Variants in OC90 observed in about 807,000 individuals in gnomAD.
The protein encoded by OC90 is otoconin-90.
Under a neutral mutation model 47.3 loss-of-function variants are expected in OC90, and 46 were observed. That is an observed-to-expected ratio of 0.97 (90% confidence interval 0.77 to 1.24). OC90 has a LOEUF of 1.24. Ranked by LOEUF, OC90 falls within the 50% of genes most tolerant of loss-of-function variation. OC90 has a pLI of 0.00. For synonymous variants in OC90, 271 were observed against 219.5 expected, an observed-to-expected ratio of 1.23 and a Z score of -2.07; for missense variants, 688 against 583.9, an observed-to-expected ratio of 1.18 and a Z score of -1.84.
intron 2 of OC90, among the ~76,000 whole-genome samples, chr8:132,053,245 C>A (rs939188053): frequency 8.5e-5 from 13 of 152,172 alleles, no homozygotes; most frequent in Admixed American, 2.0e-4. Context: ...GCACCTGTCA[C>A]CCCATGTTGC....
chr8:132,050,163 G>C (rs1823192829), intron 2 of OC90, among the ~76,000 whole-genome samples: 1 of 138,798 alleles, frequency 7.2e-6, no homozygotes, highest in Non-Finnish European at 1.6e-5. Context: ...CTAGGTAAAG[G>C]GGTCAACAGG....
intron 1 of OC90, among the ~76,000 whole-genome samples, chr8:132,056,771 C>T (rs1321360068): frequency 1.3e-5 from 2 of 152,054 alleles, no homozygotes. Flanking sequence ...TCAGAGGAGC[C>T]CAGAGACCTC....
rs780332464 is a variant in OC90, at chr8:132,031,866, G to A, written c.1031+15C>T. 9 of 1,610,880 alleles carry A rather than the reference G, an allele frequency of 5.6e-6. No individual in the cohort carries two copies. The highest frequency in any genetic ancestry group is 2.2e-5 in the East Asian group (1 of 44,844). On this transcript the variant is annotated intron_variant, in intron 12 of 13. Transcript: ENST00000254627. ...GCACTACTACACCAGAGCTGTCACC[G>A]CTGGCTCTCCATACCTGTCTAGGTC...
chr8:132,027,251 G>A (rs547513077), intron 13 of OC90, among the ~76,000 whole-genome samples: 11 of 152,204 alleles, frequency 7.2e-5, no homozygotes, highest in Admixed American at 6.5e-4. Context: ...TTTGAGGCAA[G>A]GATCATGAAA....
At position 132,024,596 on chromosome 8, in the gene OC90, G is replaced by C. The variant is rs1038921015; in HGVS notation, c.1319C>G (p.Ser440Cys). ...CTCCTCGCTGTCCTCCTCAGAGCTG[G>C]AGCCCAGGGTGGGGGCTGCGGGCAC... ...HPVPAAPTLG[S>C]SSEEDSEEDP... Residue 440 changes from serine to cysteine, a missense_variant, in exon 14 of 14, where the codon TCC (serine) becomes TGC (cysteine). Coordinates refer to ENST00000254627, the MANE Select transcript of OC90 (RefSeq NM_001080399.3). 3 of 1,613,666 alleles carry C rather than the reference G, an allele frequency of 1.9e-6. No individual in the cohort carries two copies. Among genetic ancestry groups the C allele is most frequent in the Non-Finnish European group, 2.5e-6 (3 of 1,179,776 alleles).
chr8:132,052,961 A>C (rs1172087266), intron 2 of OC90, among the ~76,000 whole-genome samples: 1 of 152,176 alleles, frequency 6.6e-6, no homozygotes, highest in African/African-American at 2.4e-5. Context: ...GCCTCTGCTG[A>C]ATCATCTCCT....
At chr8:132,027,530 G>A (rs182713449) in intron 13 of OC90, among the ~76,000 whole-genome samples, 1 of 152,258 alleles carries the variant, frequency 6.6e-6, no homozygotes, top group Non-Finnish European at 1.5e-5. Flanking sequence ...TAGGGCCTCT[G>A]TGAAATTCTA....
At position 132,024,400 on chromosome 8, in the gene OC90, A is replaced by G. The variant is rs941534498; in HGVS notation, c.*81T>C. On this transcript the variant is annotated 3_prime_UTR_variant, in exon 14 of 14. Coordinates refer to ENST00000254627, the MANE Select transcript of OC90 (RefSeq NM_001080399.3). ...AAGGAAGGGAAGAAGGCTCCAAGGG[A>G]CAGAGGAGGCTGAGAGATAAAGAGC... 6.9e-6 allele frequency: 8 copies of G among 1,155,672 alleles called. No homozygotes were observed. The African/African-American group carries it at 1.1e-4, about 16-fold the overall frequency. The allele number at this position is 1,155,672 out of a possible 1,614,324, so 71.6% of individuals were successfully genotyped here.
Position 132,037,520 on chromosome 8 carries a change from T to C in OC90, c.629-32A>G, listed in dbSNP as rs1460589174. On this transcript the variant is annotated intron_variant, in intron 8 of 13. Transcript: ENST00000254627. ...AAAGAGAGTTCCCAATAGCAGTGACTCATGCAACACAGTGTCAAAACCAAG... is the reference window on the plus strand; with the variant it reads ...AAAGAGAGTTCCCAATAGCAGTGACCCATGCAACACAGTGTCAAAACCAAG... 5 of 1,553,522 alleles carry C rather than the reference T, an allele frequency of 3.2e-6. No individual in the cohort carries two copies. In the Admixed American group the frequency reaches 9.6e-5, roughly 30 times the overall value.
Position 132,039,496 on chromosome 8 carries a change from C to T in OC90, c.458-373G>A, listed in dbSNP as rs143019327. Among the ~76,000 whole-genome samples the T allele has an allele frequency of 3.0e-4, 45 of 152,260 alleles. No individual in the cohort carries two copies. The East Asian group carries it at 8.7e-3, about 29-fold the overall frequency. On this transcript the variant is annotated intron_variant, in intron 6 of 13. Coordinates refer to ENST00000254627, the MANE Select transcript of OC90 (RefSeq NM_001080399.3). Reference sequence around the variant, plus strand: ...CCCTGCTGCTCAATCTACTCTTATCCAGGAGTCAGAACAATCCTTTAGAAA... The same window carrying T: ...CCCTGCTGCTCAATCTACTCTTATCTAGGAGTCAGAACAATCCTTTAGAAA...
chr8:132,048,515 T>C (rs1823167594), intron 2 of OC90, among the ~76,000 whole-genome samples: 1 of 151,366 alleles, frequency 6.6e-6, no homozygotes, highest in Non-Finnish European at 1.5e-5. Context: ...CTTTTGCCTC[T>C]TTCCCATTTT....
intron 8 of OC90, among the ~76,000 whole-genome samples, chr8:132,038,402 T>C (rs1823001103): frequency 6.6e-6 from 1 of 152,020 alleles, no homozygotes; most frequent in African/African-American, 2.4e-5. Context: ...CCTGGGAGGC[T>C]GTGGCAGCCA....
chr8:132,031,796 G>A, intron 12 of OC90, 85 bp downstream of exon 12: 1 of 1,206,750 alleles, frequency 8.3e-7, no homozygotes, highest in Non-Finnish European at 1.2e-6. Context: ...GTTTCAGCCT[G>A]GTGTCCAGGA....
chr8:132,058,391 T>C (rs2130867580), intron 1 of OC90, among the ~76,000 whole-genome samples: 1 of 152,266 alleles, frequency 6.6e-6, no homozygotes, highest in East Asian at 1.9e-4. Flanking sequence ...AGTGCTGTCC[T>C]TGTGGGCCTG....
At chr8:132,034,650 GC>G (rs1416538656) in intron 10 of OC90, 130 bp downstream of exon 10, 5 of 627,344 alleles carry the variant, frequency 8.0e-6, no homozygotes, top group Non-Finnish European at 1.4e-5. Context: ...TCCGATTCTT[GC>G]CCCATCACCT....
chr8:132,041,008 T>A (rs1823044103), intron 6 of OC90, 36 bp downstream of exon 6: 1 of 1,288,384 alleles, frequency 7.8e-7, no homozygotes, highest in African/African-American at 1.5e-5. Flanking sequence ...CTGTCATTTC[T>A]GGGCCCAGGC....
At chr8:132,054,244 C>T (rs1462515452) in intron 2 of OC90, among the ~76,000 whole-genome samples, 3 of 152,230 alleles carry the variant, frequency 2.0e-5, no homozygotes, top group Non-Finnish European at 4.4e-5. Context: ...TCCTCCGGCT[C>T]CTCTTGGATG....
chr8:132,047,263 T>C (rs1823146252), intron 2 of OC90, among the ~76,000 whole-genome samples: 1 of 152,204 alleles, frequency 6.6e-6, no homozygotes, highest in Non-Finnish European at 1.5e-5. Flanking sequence ...TCCTCAAACT[T>C]CAGTCACTAG....
chr8:132,028,803 G>GAAAGAAAAAGAAAGAAAGAAAGAA lies in OC90; in HGVS notation c.1138+269_1138+270insTTCTTTCTTTCTTTCTTTTTCTTT, dbSNP rs71306367. ...AAGAGAGGAAGAAAGAAGAAGGAAA[G>GAAAGAAAAAGAAAGAAAGAAAGAA]AAAGAAAGAAAGAAAGAAAAAGAAA... On this transcript the variant is annotated intron_variant, in intron 13 of 13. Coordinates refer to ENST00000254627, the MANE Select transcript of OC90 (RefSeq NM_001080399.3). 8.9e-4 allele frequency among the ~76,000 whole-genome samples: 121 copies of GAAAGAAAAAGAAAGAAAGAAAGAA among 135,424 alleles called. 6 individuals carry two copies. The highest frequency in any genetic ancestry group is 3.8e-3 in the Middle Eastern group (1 of 264). The allele number at this position is 135,424 out of a possible 152,430, so 88.8% of individuals were successfully genotyped here.
Sources: gnomAD v4.1 joint callset for allele counts (sites outside exome capture counted in the v4.1 genomes callset) on GRCh38, gnomAD v4.1.1 for gene constraint, MANE v1.5 for transcripts, NCBI Gene and HGNC (gene_info 2026-07-23, HGNC 2026-07-21) for gene names.